The following PGC variants were observed in gnomAD, a reference collection of about 807,000 sequenced individuals.
PGC encodes gastricsin.
A neutral mutation model predicts 45.9 loss-of-function variants in PGC; 31 were observed. The ratio of observed to expected loss-of-function variants is 0.67; its 90% CI spans 0.51 to 0.91. The LOEUF is 0.91. Among genes scored for constraint, PGC ranks in the 40% least tolerant of loss-of-function variants. The pLI is 0.00. For missense variants in PGC, 477 were observed against 493.2 expected, an observed-to-expected ratio of 0.97 and a Z score of 0.31; for synonymous variants, 192 against 201.8, an observed-to-expected ratio of 0.95 and a Z score of 0.41.
Position 41,744,645 on chromosome 6 carries a change from GGTCAGGACTCACATCCAT to G in PGC, c.205_210+12del. 1 of 1,613,812 alleles carries G rather than the reference GGTCAGGACTCACATCCAT, an allele frequency of 6.2e-7. No individual in the cohort carries two copies. Among genetic ancestry groups the G allele is most frequent in the Non-Finnish European group, 8.5e-7 (1 of 1,179,788 alleles). ...CAGAGAGAAGGCTACCGCCAGAAAG[GGTCAGGACTCACATCCAT>G]GTAGGCCATGGGCTCGTAGGTCACG... On this transcript the variant is annotated splice_donor_variant and splice_donor_5th_base_variant and coding_sequence_variant and intron_variant, in exon 2 of 9. Transcript: ENST00000373025. LOFTEE classifies it high-confidence loss of function. The surrounding 1 kb of genome is among the most constrained non-coding windows in gnomAD (Gnocchi z 4.4).
chr6:41,741,968 G>A, intron 5 of PGC: 8 of 743,062 alleles, frequency 1.1e-5, no homozygotes, highest in Non-Finnish European at 1.6e-5. Flanking sequence ...CAGGAAGCCT[G>A]TCCAAGGGGT....
chr6:41,738,253 T>TATATATGCATATATATATAC (rs1561880061), intron 7 of PGC, among the ~76,000 whole-genome samples: 1 of 13,050 alleles, frequency 7.7e-5, no homozygotes, highest in Non-Finnish European at 2.0e-4. Flanking sequence ...TATATATGCA[T>TATATATGCATATATATATAC]ATATATATAT....
rs146003555 is a variant in PGC, at chr6:41,743,311, C to G, written c.407G>C (p.Ser136Thr). 625 of 1,613,980 alleles carry G rather than the reference C, an allele frequency of 3.9e-4. 3 individuals are homozygous for G. In the African/African-American group the frequency reaches 5.1e-3, roughly 13 times the overall value. Reference protein sequence around the residue: ...NGQTFSLQYGSGSLTGFFGYD... With the variant: ...NGQTFSLQYGTGSLTGFFGYD... ...GCCAAAGAAGCCGGTGAGGCTGCCA[C>G]TGCCATACTGCAGGGAGAAGGTCTG... Residue 136 changes from serine to threonine, a missense_variant, in exon 4 of 9, where the codon AGT becomes ACT. Coordinates refer to ENST00000373025, the MANE Select transcript of PGC (RefSeq NM_002630.4).
intron 1 of PGC, among the ~76,000 whole-genome samples, chr6:41,745,019 G>A (rs1034814446): frequency 1.1e-4 from 17 of 151,702 alleles, no homozygotes; most frequent in East Asian, 5.8e-4. Context: ...GTGTGTGCGC[G>A]CGCGCGTGTT....
At position 41,737,769 on chromosome 6, in the gene PGC, A is replaced by G. The variant is rs1481362356; in HGVS notation, c.975T>C (p.Gly325=). The G allele has an allele frequency of 1.2e-6, 2 of 1,612,522 alleles. No homozygotes were observed. Among genetic ancestry groups the G allele is most frequent in the Non-Finnish European group, 8.5e-7 (1 of 1,178,582 alleles). ...AGGAAGGTGGCAGAGGGAACTCCAC[A>G]CCATTGATGATGAAGGTCAAGCTGG... ...NLPSLTFIIN[G]VEFPLPPSSY... is the part of the protein sequence containing the mutation. Residue 325 remains glycine, a synonymous_variant, in exon 8 of 9, where the codon GGT becomes GGC. Coordinates refer to ENST00000373025, the MANE Select transcript of PGC (RefSeq NM_002630.4).
chr6:41,737,966 T>C, intron 7 of PGC, 138 bp from the exon 8 acceptor site: 1 of 597,492 alleles, frequency 1.7e-6, no homozygotes, highest in Non-Finnish European at 3.1e-6. Flanking sequence ...AGAATGCAGC[T>C]CCAAGGGAAA....
At chr6:41,741,080 T>A in intron 5 of PGC, 1 of 1,537,150 alleles carries the variant, frequency 6.5e-7, no homozygotes, top group Non-Finnish European at 8.7e-7. Context: ...CTGGTAGACA[T>A]GTCACCGGGA....
chr6:41,737,694 A>G, intron 8 of PGC, 36 bp downstream of exon 8: 1 of 1,322,784 alleles, frequency 7.6e-7, no homozygotes. Context: ...CCCAACCCCA[A>G]TCATGGTGGC....
chr6:41,739,770 G>A (rs1196821189), intron 7 of PGC, 29 bp downstream of exon 7: 1 of 1,590,180 alleles, frequency 6.3e-7, no homozygotes, highest in Admixed American at 1.8e-5. Context: ...TAGCCTCCTG[G>A]GGAAGAGAGA....
rs781339031 is a variant in PGC at position 41,744,824 on chromosome 6, A to C, written c.60-16T>G. ...CAGGGGCACTCTACAGAAAGGTTGC[A>C]TATGAGGCAAGGCCCTCCCTCCTTC... On this transcript the variant is annotated splice_polypyrimidine_tract_variant and intron_variant, in intron 1 of 8. Coordinates refer to ENST00000373025, the MANE Select transcript of PGC (RefSeq NM_002630.4). This position sits in a 1 kb window ranked among gnomAD's most constrained non-coding sequence, Gnocchi z 4.4. 12 of 1,611,196 alleles carry C rather than the reference A, an allele frequency of 7.4e-6. 1 individual carries two copies. In the South Asian group the frequency reaches 1.3e-4, roughly 18 times the overall value.
Position 41,744,526 on chromosome 6 carries a change from G to T in PGC, c.211-12C>A. 1 of 1,606,352 alleles carries T rather than the reference G, an allele frequency of 6.2e-7. No homozygotes were observed. The highest frequency in any genetic ancestry group is 8.5e-7 in the Non-Finnish European group (1 of 1,173,736). Reference sequence around the variant, plus strand: ...CCAAAGTAGGCAGCCTGGGGGCCATGGAGCAAGCTGTTAGTTCCAGAGGGA... The same window carrying T: ...CCAAAGTAGGCAGCCTGGGGGCCATTGAGCAAGCTGTTAGTTCCAGAGGGA... On this transcript the variant is annotated splice_polypyrimidine_tract_variant and intron_variant, in intron 2 of 8. Transcript: ENST00000373025. This position sits in a 1 kb window ranked among gnomAD's most constrained non-coding sequence, Gnocchi z 4.4.
chr6:41,744,954 T>C lies in PGC; in HGVS notation c.60-146A>G. 1.4e-6 allele frequency: 1 copy of C among 716,614 alleles called. No homozygotes were observed. 44.4% of individuals were successfully genotyped at this position (716,614 alleles called of 1,614,324 possible). ...CCTTGTCTGTGTGTGTCTTTTTCTC[T>C]CTCTCAGCCTTTTGCTCTCTGTCTC... is the stretch of plus-strand genomic sequence containing the variant. On this transcript the variant is annotated intron_variant, in intron 1 of 8. Transcript: ENST00000373025. This position sits in a 1 kb window ranked among gnomAD's most constrained non-coding sequence, Gnocchi z 4.4.
intron 1 of PGC, among the ~76,000 whole-genome samples, chr6:41,746,945 T>TTC (rs1448405284): frequency 1.3e-5 from 2 of 152,228 alleles, no homozygotes; most frequent in Non-Finnish European, 2.9e-5. Context: ...CCAAAAAGGA[T>TTC]TGCTCCCTTC....
chr6:41,738,166 G>GCATATATATATA (rs1561879689), intron 7 of PGC, among the ~76,000 whole-genome samples: 431 of 19,036 alleles, frequency 0.023, 36 homozygotes, highest in African/African-American at 0.065. Context: ...ACATATATAT[G>GCATATATATATA]CATATATATA....
Position 41,742,403 on chromosome 6 carries a change from G to A in PGC, c.534C>T (p.Gly178=), listed in dbSNP as rs568816447. 73 of 1,614,070 alleles carry A rather than the reference G, an allele frequency of 4.5e-5. 2 individuals carry two copies. The South Asian group carries it at 7.6e-4, about 17-fold the overall frequency. Residue 178 remains glycine (G), a synonymous_variant, in exon 5 of 9, where the codon GGC becomes GGT. Transcript: ENST00000373025. Reference sequence around the variant, plus strand: ...GAGCAGGGTAGGCCAGGCCCATGATGCCATCAAACTGCGCATAGACGAAGT... The same window carrying A: ...GAGCAGGGTAGGCCAGGCCCATGATACCATCAAACTGCGCATAGACGAAGT... ...GTNFVYAQFD[G]IMGLAYPALS...
chr6:41,744,819 G>T lies in PGC; in HGVS notation c.60-11C>A, dbSNP rs1312238830. The T allele has an allele frequency of 6.2e-7, 1 of 1,612,494 alleles. No homozygotes were observed. Among genetic ancestry groups the T allele is most frequent in the Non-Finnish European group, 8.5e-7 (1 of 1,179,130 alleles). On this transcript the variant is annotated splice_polypyrimidine_tract_variant and intron_variant, in intron 1 of 8. Coordinates refer to ENST00000373025, the MANE Select transcript of PGC (RefSeq NM_002630.4). This position sits in a 1 kb window ranked among gnomAD's most constrained non-coding sequence, Gnocchi z 4.4. ...TTCTTCAGGGGCACTCTACAGAAAG[G>T]TTGCATATGAGGCAAGGCCCTCCCT...
intron 7 of PGC, 110 bp from the exon 8 acceptor site, chr6:41,737,938 A>G (rs1278196930): frequency 1.5e-6 from 1 of 660,204 alleles, no homozygotes; most frequent in East Asian, 2.8e-5. Context: ...CCAAGCCCTA[A>G]GCCTGTTTTT....
intron 5 of PGC, chr6:41,740,975 T>C (rs1196750381): frequency 6.6e-7 from 1 of 1,521,002 alleles, no homozygotes. Flanking sequence ...TCCCAGCGCC[T>C]CAGGCTCCCG....
intron 7 of PGC, among the ~76,000 whole-genome samples, chr6:41,738,975 A>G (rs1171523430): frequency 6.6e-6 from 1 of 151,716 alleles, no homozygotes; most frequent in Admixed American, 6.6e-5. Flanking sequence ...AACAAAAACA[A>G]AAAACAAAAA....
Sources: gnomAD v4.1 joint callset for allele counts (sites outside exome capture counted in the v4.1 genomes callset) on GRCh38, gnomAD v4.1.1 for gene constraint, Gnocchi (gnomAD v3.1) non-coding constraint, MANE v1.5 for transcripts, NCBI Gene and HGNC (gene_info 2026-07-23, HGNC 2026-07-21) for gene names.